The following MYH7B variants were observed in gnomAD, a reference collection of about 807,000 sequenced individuals.
MYH7B encodes myosin-7B.
Under a neutral mutation model 234.5 loss-of-function variants are expected in MYH7B, and 205 were observed. The ratio of observed to expected loss-of-function variants is 0.87; its 90% CI spans 0.78 to 0.98. The LOEUF (loss-of-function observed/expected upper bound fraction) is 0.98. MYH7B is among the 50% of genes least tolerant of loss of function. MYH7B has a pLI of 0.00. For synonymous variants in MYH7B, 1,193 were observed against 1,105.0 expected (o/e 1.08, Z -1.58); for missense variants, 2,652 against 2,633.4 (o/e 1.01, Z -0.15).
exon 23 of MYH7B, chr20:34,990,768 C>T (rs749811931): frequency 2.4e-5 from 39 of 1,614,056 alleles, no homozygotes; most frequent in African/African-American, 4.0e-5. Context: ...GACCAACCTG[C>T]GGGCCACACA....
intron 2 of MYH7B, among the ~76,000 whole-genome samples, chr20:34,961,097 C>T (rs2081693276): frequency 6.6e-6 from 1 of 152,282 alleles, no homozygotes; most frequent in Admixed American, 6.5e-5. Context: ...AACAGGTTCC[C>T]AGTCCGGCTC....
At position 34,997,244 on chromosome 20, in the gene MYH7B, AC is replaced by A. The variant is rs2147231726; in HGVS notation, c.3358-3del. 6.4e-7 allele frequency: 1 copy of A among 1,557,218 alleles called. No individual in the cohort carries two copies. The highest frequency in any genetic ancestry group is 8.7e-7 in the Non-Finnish European group (1 of 1,151,666). ...GAGGTGACAGCTGCCCCACGTGCCC[AC>A]CCCAGGCTCGGGCGGAGGAGCTGGA... On this transcript the variant is annotated splice_region_variant and splice_polypyrimidine_tract_variant and intron_variant, in intron 31 of 44. Transcript: ENST00000262873.
At chr20:34,998,233 T>G in intron 32 of MYH7B, 62 bp from the exon 33 acceptor site, 1 of 1,588,158 alleles carries the variant, frequency 6.3e-7, no homozygotes. Context: ...TCCTGCCATC[T>G]GATGCACAAA....
chr20:34,984,573 C>T (rs1045886994), intron 10 of MYH7B, 119 bp from the exon 11 acceptor site: 46 of 854,100 alleles, frequency 5.4e-5, no homozygotes, highest in African/African-American at 8.6e-5. Flanking sequence ...CCATGCATTC[C>T]GGTGACTAAC....
chr20:34,977,863 G>T, intron 4 of MYH7B, 71 bp from the exon 5 acceptor site: 3 of 1,591,238 alleles, frequency 1.9e-6, no homozygotes, highest in Non-Finnish European at 2.6e-6. Flanking sequence ...AGAGGGAGTC[G>T]CCTAGTATCT....
intron 9 of MYH7B, 115 bp from the exon 10 acceptor site, chr20:34,982,344 G>T: frequency 2.4e-6 from 2 of 840,968 alleles, no homozygotes; most frequent in Non-Finnish European, 4.0e-6. Context: ...CATCCTTGGG[G>T]GTTTCAAGCT....
intron 10 of MYH7B, 133 bp from the exon 11 acceptor site, chr20:34,984,553 AGGGTGG>A: frequency 1.4e-6 from 1 of 735,690 alleles, no homozygotes. Context: ...CGAGGGGCTG[AGGGTGG>A]GGGCCATGCA....
exon 36 of MYH7B, chr20:34,999,186 C>G: frequency 3.1e-6 from 5 of 1,613,020 alleles, no homozygotes; most frequent in South Asian, 1.1e-5. Context: ...GGAGCTGGAG[C>G]GGGCGACCTC....
chr20:35,000,443 A>G, exon 39 of MYH7B: 1 of 1,602,072 alleles, frequency 6.2e-7, no homozygotes, highest in South Asian at 1.1e-5. Flanking sequence ...GTCAGGCCAC[A>G]GAGGCCCAGG....
chr20:34,980,825 G>GC (rs1226812659), intron 8 of MYH7B, 91 bp downstream of exon 8: 21 of 1,553,048 alleles, frequency 1.4e-5, no homozygotes, highest in Non-Finnish European at 1.1e-5. Flanking sequence ...CACTGGCACT[G>GC]CCCCCCTTTT....
intron 2 of MYH7B, among the ~76,000 whole-genome samples, chr20:34,974,457 T>A (rs984569253): frequency 1.3e-5 from 2 of 152,136 alleles, no homozygotes; most frequent in African/African-American, 4.8e-5. Flanking sequence ...CATGTTTGTT[T>A]GTGAGCTTAT....
At chr20:34,962,100 G>A (rs781766929) in intron 2 of MYH7B, among the ~76,000 whole-genome samples, 8 of 152,152 alleles carry the variant, frequency 5.3e-5, no homozygotes, top group Non-Finnish European at 8.8e-5. Context: ...GGTGGCATGC[G>A]CCTGTCATCC....
intron 23 of MYH7B, 66 bp downstream of exon 23, chr20:34,990,891 C>T (rs763133068): frequency 8.5e-5 from 135 of 1,590,686 alleles, no homozygotes; most frequent in South Asian, 3.3e-5. Flanking sequence ...GGGCAGAGGC[C>T]GGGAGGCTGA....
chr20:35,000,342 G>C (rs2082345307), exon 39 of MYH7B: 1 of 1,597,054 alleles, frequency 6.3e-7, no homozygotes, highest in South Asian at 1.1e-5. Context: ...CCTGGATGCA[G>C]AGACACGGGC....
At position 34,977,956 on chromosome 20, in the gene MYH7B, T is replaced by G. The variant is rs756242883; in HGVS notation, c.-50T>G. 1.9e-6 allele frequency: 3 copies of G among 1,613,904 alleles called. No individual in the cohort carries two copies. The South Asian group carries it at 3.3e-5, about 18-fold the overall frequency. ...CAGTGCCTGCTGCCTTGGGCCGCCT[T>G]GAACCTCCAGGGTTTCCAGCTCCTC... On this transcript the variant is annotated 5_prime_UTR_variant, in exon 5 of 45. Coordinates refer to ENST00000262873, the Ensembl canonical transcript of MYH7B.
At chr20:34,990,238 GCCC>G (rs1180399264) in exon 22 of MYH7B, 4 of 1,614,002 alleles carry the variant, frequency 2.5e-6, no homozygotes, top group African/African-American at 2.7e-5. Flanking sequence ...TATTAGCTGA[GCCC>G]CCCAAGTCTG....
intron 10 of MYH7B, 61 bp from the exon 11 acceptor site, chr20:34,984,631 C>T (rs1475784292): frequency 6.1e-6 from 9 of 1,474,202 alleles, no homozygotes; most frequent in Non-Finnish European, 7.5e-6. Flanking sequence ...ATACCCTGCC[C>T]CACCCCGCCC....
At chr20:34,994,506 C>G (rs2082216828) in intron 27 of MYH7B, 105 bp downstream of exon 27, 4 of 1,345,486 alleles carry the variant, frequency 3.0e-6, no homozygotes, top group African/African-American at 2.9e-5. Flanking sequence ...CCTTATGTCT[C>G]TCTGTTCCAA....
Position 34,986,938 on chromosome 20 carries a change from C to T in MYH7B, c.957C>T (p.Gly319=), listed in dbSNP as rs146544899. The change falls in exon 15 of 45, where the codon GGC becomes GGT. Residue 319 remains glycine (G), a synonymous_variant. Coordinates refer to ENST00000262873, the Ensembl canonical transcript of MYH7B. ...ATGACTACCACTTCTGCAGCCAGGG[C>T]GTCATCACCGTGGACAACATGAATG... The T allele has an allele frequency of 1.4e-4, 221 of 1,614,088 alleles. No individual in the cohort carries two copies. In the African/African-American group the frequency reaches 2.7e-3, roughly 19 times the overall value.
Sources: allele counts gnomAD v4.1 joint callset (sites outside exome capture counted in the v4.1 genomes callset), GRCh38; gene constraint gnomAD v4.1.1; transcripts MANE v1.5; gene names NCBI Gene and HGNC (gene_info 2026-07-23, HGNC 2026-07-21).